NOL10: variants seen among roughly 807,000 people sequenced by gnomAD.
NOL10 encodes H_NH0074G24.1.
In NOL10, 58 loss-of-function variants were observed where a neutral mutation model predicts 103.5. The observed-to-expected ratio is 0.56, with a 90% CI of 0.45 to 0.70. NOL10 has a LOEUF of 0.70. NOL10 is among the 30% of genes least tolerant of loss of function. NOL10 has a pLI of 0.00. For synonymous variants in NOL10, 287 were observed against 282.5 expected (o/e 1.02, Z -0.16); for missense variants, 763 against 807.3 (o/e 0.95, Z 0.67).
chr2:10,645,427 T>TGA (rs1678986753), intron 12 of NOL10, among the ~76,000 whole-genome samples: 1 of 152,228 alleles, frequency 6.6e-6, no homozygotes, highest in African/African-American at 2.4e-5. Context: ...CCTTTCCTTT[T>TGA]ATTAACACAA....
At chr2:10,624,753 T>C (rs892686521) in intron 13 of NOL10, among the ~76,000 whole-genome samples, 7 of 151,968 alleles carry the variant, frequency 4.6e-5, no homozygotes, top group Admixed American at 1.3e-4. Flanking sequence ...CCATATGACA[T>C]AGCAATTGGG....
At chr2:10,634,384 G>A (rs920930848) in intron 13 of NOL10, among the ~76,000 whole-genome samples, 2 of 152,174 alleles carry the variant, frequency 1.3e-5, no homozygotes, top group African/African-American at 2.4e-5. Context: ...CTAGACAGCC[G>A]AGTGAGCAAC....
chr2:10,661,352 G>A (rs1045803176), intron 9 of NOL10, among the ~76,000 whole-genome samples: 2 of 152,114 alleles, frequency 1.3e-5, no homozygotes, highest in African/African-American at 2.4e-5. Context: ...TGGGATTACA[G>A]GCATGAGCCA....
intron 17 of NOL10, among the ~76,000 whole-genome samples, chr2:10,592,751 C>T (rs1390087948): frequency 1.3e-5 from 2 of 152,136 alleles, no homozygotes; most frequent in Non-Finnish European, 2.9e-5. Context: ...AAATCAATTG[C>T]ATTGCCTAAA....
At chr2:10,598,996 T>C (rs1675839130) in intron 17 of NOL10, among the ~76,000 whole-genome samples, 1 of 152,200 alleles carries the variant, frequency 6.6e-6, no homozygotes. Context: ...TGTGTTCAAC[T>C]TGTGAGGTCA....
In NOL10 at chr2:10,682,547, C is replaced by T. The variant is rs537833574; in HGVS notation, c.113-478G>A. Among the ~76,000 whole-genome samples, 6 of 151,868 alleles carry T rather than the reference C, an allele frequency of 4.0e-5. No homozygotes were observed. In the South Asian group the frequency reaches 1.3e-3, roughly 32 times the overall value. On this transcript the variant is annotated intron_variant, in intron 2 of 20. Transcript: ENST00000381685. ...CCCCAAATAGCTAGGACTACAGGCG[C>T]ATGCCACTGCACCCAGGTATTTTTG...
At chr2:10,665,396 G>A (rs542071917) in intron 8 of NOL10, among the ~76,000 whole-genome samples, 8 of 152,152 alleles carry the variant, frequency 5.3e-5, no homozygotes, top group Non-Finnish European at 1.0e-4. Flanking sequence ...AGCACAAAAT[G>A]CAAACATTTA....
At chr2:10,644,166 T>C (rs911431754) in intron 13 of NOL10, among the ~76,000 whole-genome samples, 154 bp downstream of exon 13, 1 of 152,166 alleles carries the variant, frequency 6.6e-6, no homozygotes, top group Non-Finnish European at 1.5e-5. Context: ...GAGAATCACT[T>C]GAACCCAGGA....
chr2:10,647,043 T>C lies in NOL10; in HGVS notation c.974-2671A>G, dbSNP rs189847206. On this transcript the variant is annotated intron_variant, in intron 12 of 20. Transcript: ENST00000381685. The stretch of plus-strand genomic sequence containing the variant: ...CGTGACAGTACGTGTAAAGAGATTA[T>C]GGCATTGAGGACTTTTTTCCTTTAA... 1.5e-3 allele frequency among the ~76,000 whole-genome samples: 232 copies of C among 152,342 alleles called. 4 individuals are homozygous for C. The Middle Eastern group carries it at 0.02, about 13-fold the overall frequency.
chr2:10,632,859 T>G (rs1677933826), intron 13 of NOL10, among the ~76,000 whole-genome samples: 1 of 152,182 alleles, frequency 6.6e-6, no homozygotes, highest in Non-Finnish European at 1.5e-5. Flanking sequence ...ATAGCAACAG[T>G]GTCTTGGTTA....
chr2:10,583,833 A>T (rs1259464991), intron 19 of NOL10, among the ~76,000 whole-genome samples: 1 of 152,194 alleles, frequency 6.6e-6, no homozygotes, highest in Non-Finnish European at 1.5e-5. Flanking sequence ...TCTTTCTAAA[A>T]TGGAGATATT....
intron 19 of NOL10, among the ~76,000 whole-genome samples, chr2:10,583,642 T>C (rs914683041): frequency 2.6e-5 from 4 of 152,264 alleles, no homozygotes; most frequent in Admixed American, 2.0e-4. Flanking sequence ...GACTATTCCC[T>C]TCTCCTTTGA....
chr2:10,664,070 G>A (rs192913546), intron 8 of NOL10, among the ~76,000 whole-genome samples: 36 of 151,776 alleles, frequency 2.4e-4, no homozygotes, highest in Admixed American at 7.9e-4. Context: ...ACAGCGAGCT[G>A]AGCGTGCCAC....
chr2:10,634,762 C>T (rs1170122951), intron 13 of NOL10, among the ~76,000 whole-genome samples: 5 of 152,106 alleles, frequency 3.3e-5, no homozygotes, highest in Admixed American at 3.3e-4. Context: ...GAGGAGGAGC[C>T]AGTGAAGACT....
intron 3 of NOL10, among the ~76,000 whole-genome samples, chr2:10,680,182 C>T (rs1173136868): frequency 6.6e-6 from 1 of 151,980 alleles, no homozygotes; most frequent in South Asian, 2.1e-4. Context: ...GAGACTGACA[C>T]AGGAGAATCG....
chr2:10,589,529 T>C (rs1199332029), intron 18 of NOL10, 49 bp downstream of exon 18: 1 of 1,395,990 alleles, frequency 7.2e-7, no homozygotes, highest in African/African-American at 1.4e-5. Flanking sequence ...AAAGAAAACA[T>C]TACATTAAAG....
intron 14 of NOL10, among the ~76,000 whole-genome samples, chr2:10,606,605 C>T (rs1676273852): frequency 2.4e-5 from 2 of 83,520 alleles, no homozygotes; most frequent in South Asian, 3.3e-4. Flanking sequence ...AAGACTCTGT[C>T]TCAAAAAAAA....
In NOL10 at chr2:10,664,720, G is replaced by C. The variant is rs370872674; in HGVS notation, c.592-1676C>G. Among the ~76,000 whole-genome samples, 3 of 152,294 alleles carry C rather than the reference G, an allele frequency of 2.0e-5. No individual in the cohort carries two copies. The East Asian group carries it at 5.8e-4, about 29-fold the overall frequency. On this transcript the variant is annotated intron_variant, in intron 8 of 20. Coordinates refer to ENST00000381685, the MANE Select transcript of NOL10 (RefSeq NM_024894.4). ...CTGTCTAATTTTTGGATTTTTGGTA[G>C]AGAAGAGGTGTCGCCATGTTGCCCA...
At chr2:10,621,415 G>A (rs11679680) in intron 13 of NOL10, among the ~76,000 whole-genome samples, 5,673 of 152,146 alleles carry the variant, frequency 0.037, 208 homozygotes, top group African/African-American at 0.094. Flanking sequence ...ACAACATGGT[G>A]AGACTCCATC....
Sources: allele counts gnomAD v4.1 joint callset (sites outside exome capture counted in the v4.1 genomes callset), GRCh38; gene constraint gnomAD v4.1.1; transcripts MANE v1.5; gene names NCBI Gene and HGNC (gene_info 2026-07-23, HGNC 2026-07-21).